TXLNA: variants seen among roughly 807,000 people sequenced by gnomAD.
TXLNA encodes taxilin alpha.
In TXLNA, 9 loss-of-function variants were observed where a neutral mutation model predicts 61.4. The observed-to-expected ratio is 0.15, with a 90% CI of 0.09 to 0.26. The LOEUF (loss-of-function observed/expected upper bound fraction) is 0.26. Among genes scored for constraint, TXLNA ranks in the 10% least tolerant of loss-of-function variants. The pLI is 1.00. For synonymous variants in TXLNA, 257 were observed against 267.7 expected (o/e 0.96, Z 0.39); for missense variants, 565 against 688.8 (o/e 0.82, Z 2.01).
chr1:32,188,244 T>C (rs1320447651), intron 5 of TXLNA, 120 bp downstream of exon 5: 6 of 1,055,628 alleles, frequency 5.7e-6, no homozygotes, highest in Non-Finnish European at 7.9e-6. Context: ...GTGGCACACA[T>C]AAGTGATTAA....
intron 4 of TXLNA, among the ~76,000 whole-genome samples, chr1:32,185,634 T>C (rs1642773145): frequency 6.7e-6 from 1 of 148,218 alleles, no homozygotes; most frequent in African/African-American, 2.5e-5. Flanking sequence ...TCTCTTGACC[T>C]CGTGATCCGC....
intron 6 of TXLNA, among the ~76,000 whole-genome samples, chr1:32,191,018 C>T (rs1162736438): frequency 1.3e-5 from 2 of 150,254 alleles, no homozygotes; most frequent in Non-Finnish European, 2.9e-5. Context: ...TGCTTGAACC[C>T]AGGAGGCAGA....
chr1:32,191,060 C>T (rs1445179018), intron 6 of TXLNA, among the ~76,000 whole-genome samples: 2 of 148,744 alleles, frequency 1.3e-5, no homozygotes, highest in Admixed American at 1.4e-4. Context: ...TGCTACTGCA[C>T]TCTAGCCTGG....
rs891362311 is a variant in TXLNA, at chr1:32,196,067, G to A, written c.*872G>A. On this transcript the variant is annotated 3_prime_UTR_variant, in exon 11 of 11. Coordinates refer to ENST00000373610, the MANE Select transcript of TXLNA (RefSeq NM_175852.4). Reference sequence around the variant, plus strand: ...AAGGAAGAGGGATGCTGTAGCAGTGGTGCCTGGGTGCCTGGCCTCCAGTGT... The same window carrying A: ...AAGGAAGAGGGATGCTGTAGCAGTGATGCCTGGGTGCCTGGCCTCCAGTGT... The A allele has an allele frequency of 2.5e-5, 4 of 163,252 alleles. No individual in the cohort carries two copies. The highest frequency in any genetic ancestry group is 9.8e-5 in the African/African-American group (4 of 40,792). 10.1% of individuals were successfully genotyped at this position (163,252 alleles called of 1,614,324 possible). A position where few individuals can be genotyped will look rare whatever the true frequency, so the allele number is the denominator to read the frequency against.
chr1:32,189,926 T>A, intron 5 of TXLNA, 129 bp from the exon 6 acceptor site: 2 of 929,562 alleles, frequency 2.2e-6, no homozygotes, highest in Non-Finnish European at 1.6e-6. Context: ...TTGCACAACA[T>A]CCTGGAGTCT....
chr1:32,190,323 T>G (rs551465217), intron 6 of TXLNA, 74 bp downstream of exon 6: 2 of 1,402,190 alleles, frequency 1.4e-6, no homozygotes, highest in African/African-American at 2.8e-5. Flanking sequence ...ACTGGGACAG[T>G]ACCTTTTCAG....
rs775259185 is a variant in TXLNA, at chr1:32,188,111, A to G, written c.755A>G (p.Asn252Ser). ...CTATGCCGTGAGCTGCAGCGGCACA[A>G]CCGCTCCCTCAAGGTAGGCCTGGGC... ...ESLCRELQRHNRSLKEEGVQR... is the reference protein window; with the variant it reads ...ESLCRELQRHSRSLKEEGVQR... Residue 252 changes from asparagine to serine, a missense_variant, in exon 5 of 11, where the codon AAC becomes AGC. This residue lies in a region of TXLNA where 373 missense variants were observed against 504.0 expected (regional missense o/e 0.74). Transcript: ENST00000373610. The G allele has an allele frequency of 9.0e-6, 14 of 1,562,430 alleles. No homozygotes were observed. The highest frequency in any genetic ancestry group is 2.4e-5 in the East Asian group (1 of 42,282).
chr1:32,185,780 C>T (rs1159380295), intron 4 of TXLNA, among the ~76,000 whole-genome samples: 1 of 149,652 alleles, frequency 6.7e-6, no homozygotes, highest in Non-Finnish European at 1.5e-5. Flanking sequence ...CTCATTGCAA[C>T]CTCCACCTCC....
chr1:32,180,888 A>G (rs1167112625), intron 2 of TXLNA, among the ~76,000 whole-genome samples: 1 of 152,226 alleles, frequency 6.6e-6, no homozygotes, highest in Non-Finnish European at 1.5e-5. Context: ...AAGGAGATGG[A>G]CTAGAAGTTG....
intron 5 of TXLNA, among the ~76,000 whole-genome samples, chr1:32,189,404 G>A (rs1488941311): frequency 1.3e-5 from 2 of 152,166 alleles, no homozygotes; most frequent in African/African-American, 4.8e-5. Context: ...AATTTTAACA[G>A]CTTGGTCTCT....
In TXLNA at chr1:32,195,947, C is replaced by T. The variant is rs1389009741; in HGVS notation, c.*752C>T. ...CAAGAGATCACCCAAAGGATTATTT[C>T]TGAAGGTGTTTTTTTCTTTATTTCT... On this transcript the variant is annotated 3_prime_UTR_variant, in exon 11 of 11. Coordinates refer to ENST00000373610, the MANE Select transcript of TXLNA (RefSeq NM_175852.4). 1.1e-5 allele frequency: 2 copies of T among 179,710 alleles called. No homozygotes were observed. Among genetic ancestry groups the T allele is most frequent in the Non-Finnish European group, 2.4e-5 (2 of 83,350 alleles). The allele number at this position is 179,710 out of a possible 1,614,324, so 11.1% of individuals were successfully genotyped here. A position where few individuals can be genotyped will look rare whatever the true frequency, so the allele number is the denominator to read the frequency against.
In TXLNA at chr1:32,195,035, G is replaced by A. The variant is rs1039156886; in HGVS notation, c.1481G>A (p.Gly494Asp). ...CAGGACCTGAGTGCTGGTGGCCAGG[G>A]CTCCCTCACTGACAGTGGCCCTGAG... Reference protein sequence around the residue: ...RVQDLSAGGQGSLTDSGPERR... With the variant: ...RVQDLSAGGQDSLTDSGPERR... The change falls in exon 11 of 11, where the codon GGC (glycine) becomes GAC (aspartate). Residue 494 changes from glycine to aspartate, a missense_variant. This residue lies in a region of TXLNA where 373 missense variants were observed against 504.0 expected (regional missense o/e 0.74). Coordinates refer to ENST00000373610, the MANE Select transcript of TXLNA (RefSeq NM_175852.4). 1 of 1,614,180 alleles carries A rather than the reference G, an allele frequency of 6.2e-7. No individual in the cohort carries two copies. The highest frequency in any genetic ancestry group is 1.7e-5 in the Admixed American group (1 of 60,030).
rs1461850277 is a variant in TXLNA, at chr1:32,195,984, T to C, written c.*789T>C. On this transcript the variant is annotated 3_prime_UTR_variant, in exon 11 of 11. Coordinates refer to ENST00000373610, the MANE Select transcript of TXLNA (RefSeq NM_175852.4). ...TTTTCTTTATTTCTTTTTCTTTTTTTTTTTTTTTCTTTTTCTTTTTTTTTT... is the reference window on the plus strand; with the variant it reads ...TTTTCTTTATTTCTTTTTCTTTTTTCTTTTTTTTCTTTTTCTTTTTTTTTT... 1 of 193,400 alleles carries C rather than the reference T, an allele frequency of 5.2e-6. No homozygotes were observed. The highest frequency in any genetic ancestry group is 1.8e-4 in the East Asian group (1 of 5,600). The allele number at this position is 193,400 out of a possible 1,614,324, so 12.0% of individuals were successfully genotyped here.
chr1:32,192,489 T>C lies in TXLNA; in HGVS notation c.1083+59T>C. The C allele has an allele frequency of 6.2e-7, 1 of 1,606,438 alleles. No individual in the cohort carries two copies. Among genetic ancestry groups the C allele is most frequent in the Non-Finnish European group, 8.5e-7 (1 of 1,174,800 alleles). ...GGGAGGAGACAGGCTGGGCTCTGGC[T>C]CAGCTCATAGCCGGGTTATATGGGA... On this transcript the variant is annotated intron_variant, in intron 7 of 10. Transcript: ENST00000373610. The surrounding 1 kb of genome is among the most constrained non-coding windows in gnomAD (Gnocchi z 4.2).
rs112648110 is a variant in TXLNA, at chr1:32,195,977, C to CTT, written c.*796_*797dup. The stretch of plus-strand genomic sequence containing the variant: ...GGTGTTTTTTTCTTTATTTCTTTTT[C>CTT]TTTTTTTTTTTTTTTCTTTTTCTTT... On this transcript the variant is annotated 3_prime_UTR_variant, in exon 11 of 11. Transcript: ENST00000373610. 5.8e-4 allele frequency: 90 copies of CTT among 155,094 alleles called. No homozygotes were observed. Among genetic ancestry groups the CTT allele is most frequent in the South Asian group, 1.9e-3 (18 of 9,454 alleles). The allele number at this position is 155,094 out of a possible 1,614,324, so 9.6% of individuals were successfully genotyped here.
intron 4 of TXLNA, among the ~76,000 whole-genome samples, chr1:32,187,102 A>G (rs966384857): frequency 6.6e-6 from 1 of 151,996 alleles, no homozygotes; most frequent in Admixed American, 6.5e-5. Flanking sequence ...CGGTTTCACC[A>G]TGTTGGCCAG....
At chr1:32,194,547 CTT>C (rs1214763644) in intron 10 of TXLNA, among the ~76,000 whole-genome samples, 1 of 152,040 alleles carries the variant, frequency 6.6e-6, no homozygotes, top group East Asian at 1.9e-4. Context: ...TTTTTTTTGT[CTT>C]TTTTGCTGCT....
At chr1:32,193,964 C>A in intron 9 of TXLNA, 101 bp from the exon 10 acceptor site, 1 of 918,708 alleles carries the variant, frequency 1.1e-6, no homozygotes, top group Non-Finnish European at 1.7e-6. Context: ...TGGGATCAAT[C>A]ATTCCCCACC....
chr1:32,185,946 T>A (rs946227549), intron 4 of TXLNA, among the ~76,000 whole-genome samples: 2 of 145,508 alleles, frequency 1.4e-5, no homozygotes, highest in Non-Finnish European at 3.0e-5. Flanking sequence ...GATCCGCCCG[T>A]CTCAGCCTCC....
Sources: gnomAD v4.1 joint callset for allele counts (sites outside exome capture counted in the v4.1 genomes callset) on GRCh38, gnomAD v4.1.1 for gene constraint, gnomAD v4.1.1 regional missense constraint, Gnocchi (gnomAD v3.1) non-coding constraint, MANE v1.5 for transcripts, NCBI Gene and HGNC (gene_info 2026-07-23, HGNC 2026-07-21) for gene names.